The following CSMD3 variants were observed in gnomAD, a reference collection of about 807,000 sequenced individuals.
The protein encoded by CSMD3 is CUB and sushi domain-containing protein 3.
Under a neutral mutation model 435.2 loss-of-function variants are expected in CSMD3, and 177 were observed. The ratio of observed to expected loss-of-function variants is 0.41; its 90% CI spans 0.36 to 0.46. The LOEUF (loss-of-function observed/expected upper bound fraction) is 0.46. Ranked by LOEUF, CSMD3 falls within the 20% of genes least tolerant of loss-of-function variation. The pLI, the probability that CSMD3 is intolerant of heterozygous loss-of-function variation, is 0.34. For missense variants in CSMD3, 4,265 were observed against 4,504.6 expected (o/e 0.95, Z 1.52); for synonymous variants, 1,656 against 1,520.5 (o/e 1.09, Z -2.07).
At chr8:112,304,685 A>G in intron 52 of CSMD3, 36 bp downstream of exon 52, 1 of 1,482,816 alleles carries the variant, frequency 6.7e-7, no homozygotes, top group South Asian at 1.1e-5. Context: ...AACCAAACAT[A>G]GCTTATGAAA....
At chr8:112,863,512 T>C (rs2080883706) in intron 10 of CSMD3, among the ~76,000 whole-genome samples, 2 of 152,166 alleles carry the variant, frequency 1.3e-5, no homozygotes, top group South Asian at 4.1e-4. Context: ...TACTGATCTA[T>C]GATTATTCTT....
intron 38 of CSMD3, among the ~76,000 whole-genome samples, chr8:112,361,259 A>G (rs988492086): frequency 1.3e-5 from 2 of 151,768 alleles, no homozygotes; most frequent in African/African-American, 4.8e-5. Context: ...GATTGGATCA[A>G]TTAATCTGCT....
rs143936071 is a variant in CSMD3, at chr8:112,895,168, C to T, written c.1633+26459G>A. 3.8e-4 allele frequency among the ~76,000 whole-genome samples: 58 copies of T among 151,254 alleles called. No individual in the cohort carries two copies. In the East Asian group the frequency reaches 7.9e-3, roughly 21 times the overall value. ...ACAAAACTCATGCCATGTCTGACCA[C>T]GCAGAGTTTATATACTAATGAGAGA... On this transcript the variant is annotated intron_variant, in intron 10 of 70. Coordinates refer to ENST00000297405, the MANE Select transcript of CSMD3 (RefSeq NM_198123.2).
At chr8:112,999,188 C>T (rs1362966194) in intron 6 of CSMD3, among the ~76,000 whole-genome samples, 2 of 150,384 alleles carry the variant, frequency 1.3e-5, no homozygotes, top group African/African-American at 4.9e-5. Flanking sequence ...ATGAATAGCA[C>T]TATGAAAAAA....
chr8:113,000,487 C>G (rs190360896), intron 6 of CSMD3, among the ~76,000 whole-genome samples: 1 of 151,936 alleles, frequency 6.6e-6, no homozygotes, highest in African/African-American at 2.4e-5. Context: ...AAATGATAAC[C>G]ATGTGATGTA....
intron 13 of CSMD3, among the ~76,000 whole-genome samples, chr8:112,762,561 G>A (rs1469689103): frequency 6.6e-6 from 1 of 151,882 alleles, no homozygotes; most frequent in African/African-American, 2.4e-5. Context: ...GAGGTGGGCA[G>A]ATTGTAAAAA....
chr8:112,404,420 C>T (rs1408751355), intron 35 of CSMD3, among the ~76,000 whole-genome samples: 1 of 151,664 alleles, frequency 6.6e-6, no homozygotes, highest in Non-Finnish European at 1.5e-5. Flanking sequence ...ATCCCAGATA[C>T]TTGGGAGGCT....
rs765905017 is a variant in CSMD3 at position 112,492,668 on chromosome 8, G to T, written c.5099C>A (p.Ser1700Tyr). Reference sequence around the variant, plus strand: ...CATTATATTGCCTGGATCAAAGCAGGACTCTCGCAGTTTTGCTGTAAAACA... The same window carrying T: ...CATTATATTGCCTGGATCAAAGCAGTACTCTCGCAGTTTTGCTGTAAAACA... Reference protein sequence around the residue: ...HLEYKAKLRESCFDPGNIMNG... With the variant: ...HLEYKAKLREYCFDPGNIMNG... The change falls in exon 31 of 71, where the codon TCC becomes TAC. Residue 1700 changes from serine (S) to tyrosine (Y), a missense_variant. Ser to Tyr is a moderately radical substitution (Grantham distance 144). This residue lies in a region of CSMD3 where 3,255 missense variants were observed against 3,380.2 expected (regional missense o/e 0.96). Transcript: ENST00000297405. The T allele has an allele frequency of 6.2e-7, 1 of 1,613,646 alleles. No individual in the cohort carries two copies. The highest frequency in any genetic ancestry group is 2.2e-5 in the East Asian group (1 of 44,858).
intron 12 of CSMD3, among the ~76,000 whole-genome samples, chr8:112,815,440 C>T (rs1255740002): frequency 1.3e-5 from 2 of 152,136 alleles, no homozygotes; most frequent in Non-Finnish European, 2.9e-5. Flanking sequence ...TTAGCATACA[C>T]ATCTTTGTAT....
chr8:112,410,541 A>G, intron 32 of CSMD3, among the ~76,000 whole-genome samples: 1 of 136,982 alleles, frequency 7.3e-6, no homozygotes, highest in African/African-American at 2.8e-5. Flanking sequence ...TTCTAATGGA[A>G]AGAAAGAGTT....
intron 63 of CSMD3, 26 bp from the exon 64 acceptor site, chr8:112,247,157 A>T: frequency 7.0e-7 from 1 of 1,430,226 alleles, no homozygotes; most frequent in Non-Finnish European, 9.9e-7. Flanking sequence ...GAGAGGAAAA[A>T]AATATTCCCC....
At chr8:112,569,323 A>T (rs1829312644) in intron 24 of CSMD3, among the ~76,000 whole-genome samples, 1 of 152,112 alleles carries the variant, frequency 6.6e-6, no homozygotes, top group Non-Finnish European at 1.5e-5. Context: ...TAGTTGAATC[A>T]AGATCTACCT....
intron 35 of CSMD3, among the ~76,000 whole-genome samples, chr8:112,397,128 T>C (rs1009802280): frequency 2.0e-5 from 3 of 152,186 alleles, no homozygotes; most frequent in Non-Finnish European, 2.9e-5. Flanking sequence ...ACATGACCAT[T>C]TTTATTCAGA....
intron 2 of CSMD3, chr8:113,309,986 T>C (rs2093854829): frequency 6.6e-6 from 1 of 152,212 alleles, no homozygotes; most frequent in Admixed American, 6.5e-5. Flanking sequence ...AACTTCTTGT[T>C]ATATAAGAAA....
intron 4 of CSMD3, among the ~76,000 whole-genome samples, chr8:113,169,337 A>G (rs962880011): frequency 2.0e-5 from 3 of 152,132 alleles, no homozygotes; most frequent in Non-Finnish European, 4.4e-5. Context: ...GCAATAATTT[A>G]CCATACAACA....
rs191479665 is a variant in CSMD3 at position 113,383,801 on chromosome 8, T to C, written c.178+52876A>G. Among the ~76,000 whole-genome samples the C allele has an allele frequency of 3.4e-4, 51 of 152,218 alleles. No individual in the cohort carries two copies. In the East Asian group the frequency reaches 9.3e-3, roughly 28 times the overall value. ...GATCACTCCTGTGTTTTATTATCAG[T>C]AATTCTGGATCTGTATCCTTTTTAT... On this transcript the variant is annotated intron_variant, in intron 1 of 70. Coordinates refer to ENST00000297405, the MANE Select transcript of CSMD3 (RefSeq NM_198123.2).
At chr8:113,076,431 G>A (rs2089340087) in intron 5 of CSMD3, among the ~76,000 whole-genome samples, 1 of 151,778 alleles carries the variant, frequency 6.6e-6, no homozygotes, top group African/African-American at 2.4e-5. Context: ...ATAATACCCA[G>A]AACAGCAACA....
At chr8:112,991,652 C>T (rs2085460334) in intron 6 of CSMD3, among the ~76,000 whole-genome samples, 1 of 151,456 alleles carries the variant, frequency 6.6e-6, no homozygotes, top group Non-Finnish European at 1.5e-5. Context: ...AGTAATATAC[C>T]AGTCAGTCAG....
At chr8:112,606,253 G>A (rs191745605) in intron 22 of CSMD3, among the ~76,000 whole-genome samples, 351 of 152,260 alleles carry the variant, frequency 2.3e-3, no homozygotes, top group African/African-American at 8.0e-3. Context: ...CTCCTACATG[G>A]AAAGTAAAGG....
Sources: allele counts gnomAD v4.1 joint callset (sites outside exome capture counted in the v4.1 genomes callset), GRCh38; gene constraint gnomAD v4.1.1; regional missense constraint gnomAD v4.1.1; transcripts MANE v1.5; gene names NCBI Gene and HGNC (gene_info 2026-07-23, HGNC 2026-07-21).